The following ISCU variants were observed in gnomAD, a reference collection of about 807,000 sequenced individuals.
ISCU encodes the protein iron-sulfur cluster assembly enzyme ISCU.
In ISCU, 13 loss-of-function variants were observed where a neutral mutation model predicts 18.4. That is an observed-to-expected ratio of 0.71 (90% CI 0.46 to 1.12). The LOEUF (loss-of-function observed/expected upper bound fraction) is 1.12. Ranked by LOEUF, ISCU falls within the 50% of genes most tolerant of loss-of-function variation. ISCU has a pLI of 0.00. For missense variants in ISCU, 229 were observed against 208.7 expected (o/e 1.10, Z -0.60); for synonymous variants, 104 against 87.5 (o/e 1.19, Z -1.06).
intron 1 of ISCU, chr12:108,563,781 C>T (rs2030749852): frequency 2.2e-5 from 9 of 406,246 alleles, no homozygotes; most frequent in South Asian, 2.0e-4. Flanking sequence ...GGTAATGGCA[C>T]TGTTTTTATT....
At chr12:108,565,468 G>GT in intron 3 of ISCU, 37 bp downstream of exon 3, 1 of 1,358,284 alleles carries the variant, frequency 7.4e-7, no homozygotes, top group Non-Finnish European at 1.1e-6. Flanking sequence ...TCAAAAACAA[G>GT]TAACCATGAC....
rs1206719264 is a variant in ISCU, at chr12:108,567,113, G to C, written c.340-77G>C. 8 of 1,093,936 alleles carry C rather than the reference G, an allele frequency of 7.3e-6. No homozygotes were observed. In the East Asian group the frequency reaches 1.6e-4, roughly 22 times the overall value. 67.8% of individuals were successfully genotyped at this position (1,093,936 alleles called of 1,614,324 possible). On this transcript the variant is annotated intron_variant, in intron 3 of 4. Transcript: ENST00000311893. ...CCCACCAACCCTGAGAGCCTCTTTG[G>C]CCTCCCTTTTTTATTGGCTGGCCCT...
At chr12:108,567,115 C>T (rs1277328637) in intron 3 of ISCU, 75 bp from the exon 4 acceptor site, 80 of 1,134,424 alleles carry the variant, frequency 7.1e-5, no homozygotes, top group Non-Finnish European at 9.7e-5. Flanking sequence ...CCTCTTTGGC[C>T]TCCCTTTTTT....
rs1396447256 is a variant in ISCU, at chr12:108,567,480, C to T, written c.418+212C>T. On this transcript the variant is annotated intron_variant, in intron 4 of 4. Transcript: ENST00000311893. The stretch of plus-strand genomic sequence containing the variant: ...ATGCCAGAAGGAGGTATGCACCAGC[C>T]ATCATACTGAGCACTTCATGGGCGT... 9.8e-6 allele frequency: 7 copies of T among 716,354 alleles called. No individual in the cohort carries two copies. The African/African-American group carries it at 1.0e-4, about 11-fold the overall frequency. The allele number at this position is 716,354 out of a possible 1,614,324, so 44.4% of individuals were successfully genotyped here.
chr12:108,562,707 T>C lies in ISCU; in HGVS notation c.85T>C (p.Ser29Pro). ...CCCCCGCCTGCCCGCCCGGGAGCTGTCGGCCCCGGCCCGACTCTATCACAA... is the reference window on the plus strand; with the variant it reads ...CCCCCGCCTGCCCGCCCGGGAGCTGCCGGCCCCGGCCCGACTCTATCACAA... ...RSPRLPAREL[S>P]APARLYHKKV... is the part of the protein sequence containing the mutation. Residue 29 changes from serine to proline, a missense_variant, in exon 1 of 5, where the codon TCG becomes CCG. By Grantham distance (74) the Ser-to-Pro change is moderately conservative (BLOSUM62 -1). Coordinates refer to ENST00000311893, the MANE Select transcript of ISCU (RefSeq NM_213595.4). 1 of 1,489,660 alleles carries C rather than the reference T, an allele frequency of 6.7e-7. No individual in the cohort carries two copies. Among genetic ancestry groups the C allele is most frequent in the Non-Finnish European group, 8.9e-7 (1 of 1,129,820 alleles). 92.3% of individuals were successfully genotyped at this position (1,489,660 alleles called of 1,614,324 possible). A position where few individuals can be genotyped will look rare whatever the true frequency, so the allele number is the denominator to read the frequency against.
upstream of ISCU, among the ~76,000 whole-genome samples, chr12:108,562,092 G>A (rs2030595423): frequency 1.3e-5 from 2 of 152,126 alleles, no homozygotes; most frequent in South Asian, 4.1e-4. Flanking sequence ...AATACAAAAG[G>A]GAAGATTCAG....
At position 108,562,651 on chromosome 12, in the gene ISCU, G is replaced by A. The variant is rs745953998; in HGVS notation, c.29G>A (p.Arg10Lys). 1.1e-5 allele frequency: 16 copies of A among 1,462,696 alleles called. No individual in the cohort carries two copies. In the East Asian group the frequency reaches 3.7e-4, roughly 34 times the overall value. The allele number at this position is 1,462,696 out of a possible 1,614,324, so 90.6% of individuals were successfully genotyped here. MAAAGAFRL[R>K]RAASALLLRS... ...GCGGCGGCTGGGGCTTTCCGTCTGA[G>A]GCGGGCGGCATCGGCTCTGCTGCTG... Residue 10 changes from arginine (R) to lysine (K), a missense_variant, in exon 1 of 5, where the codon AGG becomes AAG. Physicochemically the swap from Arg to Lys is conservative, Grantham distance 26 (BLOSUM62 2). Coordinates refer to ENST00000311893, the MANE Select transcript of ISCU (RefSeq NM_213595.4).
intron 1 of ISCU, chr12:108,564,026 AAG>A: frequency 7.2e-7 from 1 of 1,384,634 alleles, no homozygotes; most frequent in Non-Finnish European, 1.0e-6. Context: ...CTATGGAACT[AAG>A]ACATGATTTC....
chr12:108,565,120 G>T (rs1306537239), intron 2 of ISCU: 1 of 589,190 alleles, frequency 1.7e-6, no homozygotes, highest in African/African-American at 1.9e-5. Context: ...ATCTTTGTCA[G>T]TTGGGCCTGG....
chr12:108,564,059 G>C, intron 1 of ISCU: 4 of 1,591,352 alleles, frequency 2.5e-6, no homozygotes, highest in Non-Finnish European at 3.4e-6. Flanking sequence ...TTTTCTTCTA[G>C]GTATCTCAAA....
intron 4 of ISCU, chr12:108,568,554 A>T: frequency 7.6e-7 from 1 of 1,321,188 alleles, no homozygotes; most frequent in Non-Finnish European, 9.7e-7. Context: ...TGATTATCCC[A>T]GTTCTATAGA....
chr12:108,568,512 T>G, intron 4 of ISCU: 1 of 1,232,868 alleles, frequency 8.1e-7, no homozygotes, highest in Non-Finnish European at 1.0e-6. Flanking sequence ...ACATCTTCTG[T>G]AAGTCCCCAC....
chr12:108,567,885 C>T, intron 4 of ISCU: 1 of 1,432,140 alleles, frequency 7.0e-7, no homozygotes, highest in Admixed American at 2.0e-5. Flanking sequence ...TGTATTAAAT[C>T]TAATGCTTTT....
intron 1 of ISCU, chr12:108,563,224 C>T (rs1019472475): frequency 1.3e-5 from 2 of 152,906 alleles, no homozygotes. Context: ...GGCCCCAGCA[C>T]GAGGAGACCG....
At chr12:108,565,569 T>C (rs1345997398) in intron 3 of ISCU, 138 bp downstream of exon 3, 4 of 674,498 alleles carry the variant, frequency 5.9e-6, no homozygotes, top group South Asian at 5.2e-5. Flanking sequence ...TGGATCATTC[T>C]ACTAGGTGTT....
chr12:108,565,962 T>C (rs1307512984), intron 3 of ISCU, among the ~76,000 whole-genome samples: 1 of 152,248 alleles, frequency 6.6e-6, no homozygotes, highest in Non-Finnish European at 1.5e-5. Context: ...AATAAAGAGC[T>C]AGAACTTCTT....
At chr12:108,562,058 T>C (rs1427944983), upstream of ISCU, among the ~76,000 whole-genome samples, 1 of 152,132 alleles carries the variant, frequency 6.6e-6, no homozygotes, top group Non-Finnish European at 1.5e-5. Flanking sequence ...GCTGGCTTCA[T>C]GATGAAGCAA....
intron 3 of ISCU, among the ~76,000 whole-genome samples, chr12:108,565,698 C>T (rs2030865669): frequency 6.6e-6 from 1 of 152,096 alleles, no homozygotes; most frequent in African/African-American, 2.4e-5. Context: ...AAATCTTTGG[C>T]TTTCTCTAAG....
At position 108,569,030 on chromosome 12, in the gene ISCU, C is replaced by T; in HGVS notation, c.*114C>T. 1.2e-6 allele frequency: 1 copy of T among 821,798 alleles called. No homozygotes were observed. The highest frequency in any genetic ancestry group is 2.0e-5 in the Admixed American group (1 of 48,940). The allele number at this position is 821,798 out of a possible 1,614,324, so 50.9% of individuals were successfully genotyped here. A position where few individuals can be genotyped will look rare whatever the true frequency, so the allele number is the denominator to read the frequency against. On this transcript the variant is annotated 3_prime_UTR_variant, in exon 5 of 5. Coordinates refer to ENST00000311893, the MANE Select transcript of ISCU (RefSeq NM_213595.4). ...CTCCACTGAAGAGCTATGAGATACG[C>T]ACAATACTTGCTGTTCACGTTATGA...
Sources: allele counts gnomAD v4.1 joint callset (sites outside exome capture counted in the v4.1 genomes callset), GRCh38; gene constraint gnomAD v4.1.1; transcripts MANE v1.5; gene names NCBI Gene and HGNC (gene_info 2026-07-23, HGNC 2026-07-21).